ADCY8: variants seen among roughly 807,000 people sequenced by gnomAD.
ADCY8 encodes adenylate cyclase type 8.
ADCY8 carries 51 observed loss-of-function variants against 119.7 expected under a neutral mutation model. The observed-to-expected ratio is 0.43, with a 90% CI of 0.34 to 0.54. The LOEUF is 0.54. ADCY8 is among the 20% of genes least tolerant of loss of function. The pLI is 0.03. For missense variants in ADCY8, 1,383 were observed against 1,598.8 expected (o/e 0.87, Z 2.30); for synonymous variants, 665 against 651.0 (o/e 1.02, Z -0.33).
chr8:130,918,668 A>G (rs1820203708), intron 5 of ADCY8, among the ~76,000 whole-genome samples: 1 of 152,216 alleles, frequency 6.6e-6, no homozygotes, highest in African/African-American at 2.4e-5. Context: ...AGCTTTCAAC[A>G]TTATTTTAGA....
chr8:130,926,177 T>C (rs919400352), intron 5 of ADCY8, among the ~76,000 whole-genome samples: 1 of 152,132 alleles, frequency 6.6e-6, no homozygotes, highest in African/African-American at 2.4e-5. Context: ...AACACACACA[T>C]ATATACCACA....
chr8:130,992,167 C>T (rs1822599158), intron 1 of ADCY8, among the ~76,000 whole-genome samples: 1 of 150,326 alleles, frequency 6.7e-6, no homozygotes, highest in South Asian at 2.1e-4. Context: ...GCAACCTCTG[C>T]CTCTGGGGTT....
rs772425712 is a variant in ADCY8, at chr8:130,836,325, A to G, written c.2627T>C (p.Val876Ala). ...ATAACGCAGAAAGAGGCCTGCGTAG[A>G]CGGTCTCAGTGAGCAGGGCATAGAT... ...IAIYALLTET[V>A]YAGLFLRYDN... Residue 876 changes from valine to alanine, a missense_variant, in exon 12 of 18, where the codon GTC becomes GCC. Val to Ala is a moderately conservative substitution (Grantham distance 64). Around this residue, in one of 2 missense-constraint regions of ADCY8, gnomAD observed 928 missense variants for 1,163.5 expected, o/e 0.80. Coordinates refer to ENST00000286355, the MANE Select transcript of ADCY8 (RefSeq NM_001115.3). 6.2e-7 allele frequency: 1 copy of G among 1,613,946 alleles called. No homozygotes were observed. Among genetic ancestry groups the G allele is most frequent in the Non-Finnish European group, 8.5e-7 (1 of 1,179,866 alleles).
chr8:130,793,768 T>A (rs1815495166), intron 15 of ADCY8, among the ~76,000 whole-genome samples: 1 of 152,164 alleles, frequency 6.6e-6, no homozygotes, highest in Non-Finnish European at 1.5e-5. Context: ...TAGAACATAT[T>A]AGTTTAGAAG....
chr8:130,958,685 G>A (rs548160578), intron 2 of ADCY8, among the ~76,000 whole-genome samples: 1 of 152,084 alleles, frequency 6.6e-6, no homozygotes, highest in African/African-American at 2.4e-5. Flanking sequence ...AGAACAGTAT[G>A]GGGGAAACTG....
At chr8:130,924,705 T>G (rs1820410820) in intron 5 of ADCY8, among the ~76,000 whole-genome samples, 1 of 152,174 alleles carries the variant, frequency 6.6e-6, no homozygotes, top group Non-Finnish European at 1.5e-5. Flanking sequence ...TTCCATTAGT[T>G]AGGACAAACC....
At chr8:130,990,714 T>C (rs1822551485) in intron 1 of ADCY8, 172 bp from the exon 2 acceptor site, 1 of 780,748 alleles carries the variant, frequency 1.3e-6, no homozygotes, top group East Asian at 3.0e-5. Context: ...GCAAATGTCA[T>C]CCCTTTGGAG....
At chr8:130,862,187 T>C (rs1472482793) in intron 9 of ADCY8, among the ~76,000 whole-genome samples, 2 of 152,178 alleles carry the variant, frequency 1.3e-5, no homozygotes, top group African/African-American at 2.4e-5. Flanking sequence ...TTCAGTTTTA[T>C]TGATTTTTGC....
At chr8:130,916,623 T>C (rs778959799) in intron 5 of ADCY8, among the ~76,000 whole-genome samples, 1 of 152,132 alleles carries the variant, frequency 6.6e-6, no homozygotes, top group Non-Finnish European at 1.5e-5. Flanking sequence ...GATTGTGGGT[T>C]TACGGGAATG....
intron 13 of ADCY8, among the ~76,000 whole-genome samples, chr8:130,815,566 A>C (rs1816310479): frequency 6.6e-6 from 1 of 152,236 alleles, no homozygotes. Context: ...ATGAATTAAT[A>C]ACTTGACTAA....
chr8:130,920,662 A>G (rs1332486211), intron 5 of ADCY8, among the ~76,000 whole-genome samples: 1 of 152,188 alleles, frequency 6.6e-6, no homozygotes, highest in Non-Finnish European at 1.5e-5. Context: ...TTTTAATTTT[A>G]TGTGTCAATT....
rs1293367943 is a variant in ADCY8 at position 130,942,339 on chromosome 8, C to G, written c.1353+1012G>C. On this transcript the variant is annotated intron_variant, in intron 4 of 17. Coordinates refer to ENST00000286355, the MANE Select transcript of ADCY8 (RefSeq NM_001115.3). ...AGTCACTTTCTTCAAGAAGTCTTCT[C>G]TCATCTAAAGGTCATGTGTTACCTC... Among the ~76,000 whole-genome samples the G allele has an allele frequency of 3.9e-5, 6 of 152,202 alleles. No homozygotes were observed. In the East Asian group the frequency reaches 7.7e-4, roughly 20 times the overall value.
intron 2 of ADCY8, among the ~76,000 whole-genome samples, chr8:130,953,806 G>T (rs904160335): frequency 1.3e-5 from 2 of 152,084 alleles, no homozygotes; most frequent in Admixed American, 6.5e-5. Flanking sequence ...CATGCAAAAG[G>T]CTTTATTAAT....
intron 8 of ADCY8, among the ~76,000 whole-genome samples, chr8:130,870,018 C>CTTTTT (rs563831552): frequency 5.2e-5 from 6 of 115,870 alleles, no homozygotes; most frequent in Admixed American, 9.2e-5. Flanking sequence ...CTTTCTTCTT[C>CTTTTT]TTTTTTTTTT....
intron 2 of ADCY8, among the ~76,000 whole-genome samples, chr8:130,973,446 G>A (rs1230254919): frequency 6.6e-6 from 1 of 152,202 alleles, no homozygotes; most frequent in African/African-American, 2.4e-5. Flanking sequence ...TAGCTTGCTG[G>A]AGGATGAGAG....
chr8:130,984,074 A>C (rs540260434), intron 2 of ADCY8, among the ~76,000 whole-genome samples: 2 of 149,088 alleles, frequency 1.3e-5, no homozygotes, highest in South Asian at 4.1e-4. Flanking sequence ...GCTTCCTATC[A>C]GGGGTAGGGG....
chr8:130,920,701 G>C (rs1423813896), intron 5 of ADCY8, among the ~76,000 whole-genome samples: 4 of 152,164 alleles, frequency 2.6e-5, no homozygotes, highest in Non-Finnish European at 5.9e-5. Flanking sequence ...CAGATATTTG[G>C]TCAAACACCA....
chr8:131,021,645 G>A (rs1463452056), intron 1 of ADCY8, among the ~76,000 whole-genome samples: 5 of 152,224 alleles, frequency 3.3e-5, no homozygotes, highest in Admixed American at 6.5e-5. Flanking sequence ...TGATGTTCTC[G>A]TGATAGTGAG....
intron 14 of ADCY8, among the ~76,000 whole-genome samples, chr8:130,809,483 A>T (rs1816092461): frequency 6.6e-6 from 1 of 152,158 alleles, no homozygotes; most frequent in Non-Finnish European, 1.5e-5. Flanking sequence ...TAGTCCCCCC[A>T]GTCCTTCTCA....
Sources: gnomAD v4.1 joint callset for allele counts (sites outside exome capture counted in the v4.1 genomes callset) on GRCh38, gnomAD v4.1.1 for gene constraint, gnomAD v4.1.1 regional missense constraint, MANE v1.5 for transcripts, NCBI Gene and HGNC (gene_info 2026-07-23, HGNC 2026-07-21) for gene names.